Variants in CATSPERE observed in about 807,000 individuals in gnomAD.
CATSPERE encodes the protein cation channel sperm-associated auxiliary subunit epsilon.
Under a neutral mutation model 114.1 loss-of-function variants are expected in CATSPERE, and 93 were observed. The ratio of observed to expected loss-of-function variants is 0.81; its 90% CI spans 0.69 to 0.97. The LOEUF is 0.97. Among genes scored for constraint, CATSPERE ranks in the 50% least tolerant of loss-of-function variants. The pLI, the probability that CATSPERE is intolerant of heterozygous loss-of-function variation, is 0.00. For synonymous variants in CATSPERE, 341 were observed against 384.1 expected (o/e 0.89, Z 1.31); for missense variants, 1,058 against 1,131.6 (o/e 0.93, Z 0.93).
intron 2 of CATSPERE, among the ~76,000 whole-genome samples, chr1:244,477,146 C>T (rs1019846142): frequency 1.3e-5 from 2 of 152,124 alleles, no homozygotes; most frequent in African/African-American, 2.4e-5. Flanking sequence ...CAGGCGCGTG[C>T]CACCACGCCC....
chr1:244,561,876 G>A (rs1164099665), intron 10 of CATSPERE, among the ~76,000 whole-genome samples: 4 of 152,058 alleles, frequency 2.6e-5, no homozygotes, highest in Non-Finnish European at 4.4e-5. Context: ...GTGAGGCCAG[G>A]CGTGGTGGCT....
chr1:244,550,003 C>G (rs1453662965), intron 8 of CATSPERE, among the ~76,000 whole-genome samples: 1 of 152,328 alleles, frequency 6.6e-6, no homozygotes, highest in South Asian at 2.1e-4. Context: ...CATCCATCTT[C>G]TCCTGCACTC....
intron 9 of CATSPERE, among the ~76,000 whole-genome samples, chr1:244,557,005 CATT>C (rs1312970901): frequency 6.6e-6 from 1 of 152,050 alleles, no homozygotes; most frequent in South Asian, 2.1e-4. Context: ...GTGTTCTTTG[CATT>C]ATTAAGAAAG....
At chr1:244,508,510 C>T (rs749811518) in intron 7 of CATSPERE, among the ~76,000 whole-genome samples, 15 of 151,626 alleles carry the variant, frequency 9.9e-5, no homozygotes, top group Non-Finnish European at 1.9e-4. Context: ...ACCGTGTTAG[C>T]CAGGATGGTC....
Position 244,498,614 on chromosome 1 carries a change from TG to T in CATSPERE, c.352-385del, listed in dbSNP as rs1445672663. On this transcript the variant is annotated intron_variant, in intron 6 of 21. Transcript: ENST00000366534. ...GTCTATTTATGGCTATAAAGAAAGATGGGCTGGGCGTGGTGGCTCACGCCTG... is the reference window on the plus strand; with the variant it reads ...GTCTATTTATGGCTATAAAGAAAGATGGCTGGGCGTGGTGGCTCACGCCTG... 5.9e-5 allele frequency among the ~76,000 whole-genome samples: 9 copies of T among 152,236 alleles called. No individual in the cohort carries two copies. The South Asian group carries it at 1.7e-3, about 28-fold the overall frequency.
At chr1:244,476,572 G>T (rs570408942) in intron 2 of CATSPERE, among the ~76,000 whole-genome samples, 4 of 151,564 alleles carry the variant, frequency 2.6e-5, no homozygotes, top group Non-Finnish European at 5.9e-5. Context: ...TCTATGAAAC[G>T]GTTTACCACC....
chr1:244,560,554 A>C (rs1487298310), intron 9 of CATSPERE, 114 bp from the exon 10 acceptor site: 2 of 580,922 alleles, frequency 3.4e-6, no homozygotes, highest in African/African-American at 3.9e-5. Flanking sequence ...CCAAAAACCT[A>C]TTGAAAGAAA....
chr1:244,632,733 G>A (rs1405191156), intron 20 of CATSPERE, among the ~76,000 whole-genome samples: 1 of 151,788 alleles, frequency 6.6e-6, no homozygotes. Context: ...AGAAGAAAAG[G>A]AGAAAGGAAC....
intron 2 of CATSPERE, among the ~76,000 whole-genome samples, chr1:244,464,708 G>A (rs1428935780): frequency 6.6e-6 from 1 of 151,858 alleles, no homozygotes; most frequent in Non-Finnish European, 1.5e-5. Flanking sequence ...TTATTATCCA[G>A]TGATAGCTAT....
In CATSPERE at chr1:244,575,392, G is replaced by A. The variant is rs554340284; in HGVS notation, c.1950+2620G>A. On this transcript the variant is annotated intron_variant, in intron 11 of 21. Transcript: ENST00000366534. The surrounding 1 kb of genome is among the most constrained non-coding windows in gnomAD (Gnocchi z 4.5). Reference sequence around the variant, plus strand: ...GAGAGGGACCTACCTCTTGGCTGCCGGGCTGCGCGGCATGGTATCCTGGCC... The same window carrying A: ...GAGAGGGACCTACCTCTTGGCTGCCAGGCTGCGCGGCATGGTATCCTGGCC... Among the ~76,000 whole-genome samples, 10 of 152,262 alleles carry A rather than the reference G, an allele frequency of 6.6e-5. No homozygotes were observed. Among genetic ancestry groups the A allele is most frequent in the Admixed American group, 2.0e-4 (3 of 15,300 alleles).
At chr1:244,553,053 G>A (rs1660905418) in intron 9 of CATSPERE, among the ~76,000 whole-genome samples, 1 of 152,066 alleles carries the variant, frequency 6.6e-6, no homozygotes, top group Non-Finnish European at 1.5e-5. Context: ...AGTCATGAGA[G>A]CTTTGTTTTA....
At chr1:244,521,287 G>A (rs1042629225) in intron 8 of CATSPERE, among the ~76,000 whole-genome samples, 5 of 152,170 alleles carry the variant, frequency 3.3e-5, no homozygotes, top group African/African-American at 1.2e-4. Context: ...CCAGGAATTT[G>A]AGGCCACAGT....
rs567526027 is a variant in CATSPERE at position 244,470,841 on chromosome 1, A to G, written c.115-6700A>G. Among the ~76,000 whole-genome samples the G allele has an allele frequency of 2.0e-4, 30 of 152,368 alleles. No individual in the cohort carries two copies. In the East Asian group the frequency reaches 5.6e-3, roughly 28 times the overall value. ...GAACATTACTTGTCAATAAAAATGA[A>G]TGAAGTACTTTTATGTGCTACAATA... is the stretch of plus-strand genomic sequence containing the variant. On this transcript the variant is annotated intron_variant, in intron 2 of 21. Coordinates refer to ENST00000366534, the MANE Select transcript of CATSPERE (RefSeq NM_001130957.2).
At chr1:244,571,594 C>T (rs1239830235) in intron 10 of CATSPERE, among the ~76,000 whole-genome samples, 1 of 152,172 alleles carries the variant, frequency 6.6e-6, no homozygotes, top group Admixed American at 6.5e-5. Flanking sequence ...ACTCTCACCC[C>T]CACTCACCTC....
Position 244,581,476 on chromosome 1 carries a change from A to G in CATSPERE, c.1951-320A>G, listed in dbSNP as rs188998171. Among the ~76,000 whole-genome samples the G allele has an allele frequency of 3.7e-4, 57 of 152,356 alleles. No homozygotes were observed. The East Asian group carries it at 6.4e-3, about 17-fold the overall frequency. On this transcript the variant is annotated intron_variant, in intron 11 of 21. Transcript: ENST00000366534. ...TGGTGAGGCTATGAATTCAATTTAT[A>G]TTATAATTTTGCAACATTTTATTAT...
At chr1:244,460,327 A>G (rs999702806), upstream of CATSPERE, among the ~76,000 whole-genome samples, 1 of 152,190 alleles carries the variant, frequency 6.6e-6, no homozygotes, top group Non-Finnish European at 1.5e-5. Context: ...TCGGTGCTCG[A>G]GAGATTTTAC....
chr1:244,586,569 C>T (rs1240288018), intron 13 of CATSPERE, among the ~76,000 whole-genome samples: 1 of 152,112 alleles, frequency 6.6e-6, no homozygotes, highest in African/African-American at 2.4e-5. Context: ...TATGCACTCC[C>T]ACTGTGAAGC....
intron 5 of CATSPERE, among the ~76,000 whole-genome samples, chr1:244,487,629 G>A (rs553699595): frequency 7.2e-5 from 11 of 152,224 alleles, no homozygotes; most frequent in South Asian, 4.1e-4. Flanking sequence ...GCCCTACCCC[G>A]ACAATCCCCC....
chr1:244,572,391 T>TA lies in CATSPERE; in HGVS notation c.1570dup (p.Thr524AsnfsTer2). 6.5e-7 allele frequency: 1 copy of TA among 1,544,802 alleles called. No individual in the cohort carries two copies. Among genetic ancestry groups the TA allele is most frequent in the Non-Finnish European group, 8.9e-7 (1 of 1,117,718 alleles). The stretch of plus-strand genomic sequence containing the variant: ...ATGTAATATTTTATTCCAAGATTAA[T>TA]ACTAGAGATGCAGTAAAGCTGCATT... On this transcript the variant is annotated frameshift_variant, in exon 11 of 22. Coordinates refer to ENST00000366534, the MANE Select transcript of CATSPERE (RefSeq NM_001130957.2). LOFTEE classifies it high-confidence loss of function.
Sources: allele counts gnomAD v4.1 joint callset (sites outside exome capture counted in the v4.1 genomes callset), GRCh38; gene constraint gnomAD v4.1.1; non-coding constraint Gnocchi (gnomAD v3.1); transcripts MANE v1.5; gene names NCBI Gene and HGNC (gene_info 2026-07-23, HGNC 2026-07-21).